Variants in TTN observed in about 807,000 individuals in gnomAD.
The protein encoded by TTN is titin.
In TTN, 1,525 loss-of-function variants were observed where a neutral mutation model predicts 3,223.0. The ratio of observed to expected loss-of-function variants is 0.47; its 90% CI spans 0.45 to 0.49. The LOEUF (loss-of-function observed/expected upper bound fraction) is 0.49, where lower values mean the gene tolerates loss of function less well. TTN is among the 20% of genes least tolerant of loss of function. TTN has a pLI of 0.00. For synonymous variants in TTN, 14,094 were observed against 15,161.0 expected (o/e 0.93, Z 5.17); for missense variants, 40,786 against 43,424.0 (o/e 0.94, Z 5.40).
At chr2:178,698,942 GAA>G in intron 111 of TTN, 28 bp from the exon 112 acceptor site, 1 of 1,435,278 alleles carries the variant, frequency 7.0e-7, no homozygotes, top group Non-Finnish European at 9.2e-7. Flanking sequence ...GAAAAAAAAA[GAA>G]AAAATATTTC....
chr2:178,552,488 C>T lies in TTN; in HGVS notation c.90412G>A (p.Gly30138Arg), dbSNP rs1225356759. The change falls in exon 335 of 363, where the codon GGG (glycine) becomes AGG (arginine). Residue 30138 changes from glycine (G) to arginine (R), a missense_variant. Gly to Arg is a moderately radical substitution (Grantham distance 125, BLOSUM62 -2). Transcript: ENST00000589042. Reference protein sequence around the residue: ...TPEVDLSDIPGAQVTVRIGHN... With the variant: ...TPEVDLSDIPRAQVTVRIGHN... The stretch of plus-strand genomic sequence containing the variant: ...CCAATTCTCACAGTGACTTGTGCCC[C>T]AGGGATATCTGACAGGTCAACTTCA... 5 of 1,612,490 alleles carry T rather than the reference C, an allele frequency of 3.1e-6. No homozygotes were observed. The highest frequency in any genetic ancestry group is 1.3e-5 in the African/African-American group (1 of 74,884).
chr2:178,707,897 C>T (rs1334882800), intron 99 of TTN, 84 bp from the exon 100 acceptor site: 9 of 1,455,730 alleles, frequency 6.2e-6, no homozygotes, highest in East Asian at 2.3e-5. Context: ...AAGAGAAAAA[C>T]TGGCCTCTAA....
In TTN at chr2:178,613,895, G is replaced by A. The variant is rs541307234; in HGVS notation, c.49388C>T (p.Thr16463Ile). 1 of 1,610,620 alleles carries A rather than the reference G, an allele frequency of 6.2e-7. No individual in the cohort carries two copies. Among genetic ancestry groups the A allele is most frequent in the African/African-American group, 1.3e-5 (1 of 74,876 alleles). ...PPTRLEPSDITKDAVTLTWCE... is the reference protein window; with the variant it reads ...PPTRLEPSDIIKDAVTLTWCE... ...CCATGTGAGAGTCACTGCGTCTTTA[G>A]TGATATCAGAAGGTTCTAGGCGAGT... Residue 16463 changes from threonine to isoleucine, a missense_variant, in exon 263 of 363, where the codon ACT becomes ATT. Thr to Ile is a moderately conservative substitution (Grantham distance 89). Coordinates refer to ENST00000589042, the MANE Select transcript of TTN (RefSeq NM_001267550.2).
At position 178,676,003 on chromosome 2, in the gene TTN, G is replaced by T. The variant is rs886704857; in HGVS notation, c.34379-8C>A. 1.9e-6 allele frequency: 3 copies of T among 1,590,632 alleles called. No individual in the cohort carries two copies. In the African/African-American group the frequency reaches 4.0e-5, roughly 21 times the overall value. ...TCTTCTTAATTTCAGGCACTTTAAA[G>T]ACATCATTTCATGATAAGGATTTAT... On this transcript the variant is annotated splice_polypyrimidine_tract_variant and splice_region_variant and intron_variant, in intron 147 of 362. Transcript: ENST00000589042.
In TTN at chr2:178,719,215, C is replaced by T; in HGVS notation, c.24175G>A (p.Ala8059Thr). Reference sequence around the variant, plus strand: ...TCATCGGAACCAGCTACATTGGCAGCCACACACGTGTATATGCCTGTGTCG... The same window carrying T: ...TCATCGGAACCAGCTACATTGGCAGTCACACACGTGTATATGCCTGTGTCG... ...PSDTGIYTCV[A>T]ANVAGSDECS... The change falls in exon 83 of 363, where the codon GCT becomes ACT. Residue 8059 changes from alanine (A) to threonine (T), a missense_variant. Coordinates refer to ENST00000589042, the MANE Select transcript of TTN (RefSeq NM_001267550.2). 1 of 1,613,642 alleles carries T rather than the reference C, an allele frequency of 6.2e-7. No homozygotes were observed. Among genetic ancestry groups the T allele is most frequent in the South Asian group, 1.1e-5 (1 of 91,064 alleles).
chr2:178,709,633 A>G lies in TTN; in HGVS notation c.28686T>C (p.Gly9562=), dbSNP rs1459863554. Residue 9562 remains glycine, a synonymous_variant, in exon 99 of 363, where the codon GGT becomes GGC. Coordinates refer to ENST00000589042, the MANE Select transcript of TTN (RefSeq NM_001267550.2). ...QVRKAGMNDA[G]LYTCKVSNDA... Reference sequence around the variant, plus strand: ...CATTGGACACTTTGCATGTGTACAAACCAGCGTCGTTCATGCCTGCTTTCC... The same window carrying G: ...CATTGGACACTTTGCATGTGTACAAGCCAGCGTCGTTCATGCCTGCTTTCC... 6.2e-7 allele frequency: 1 copy of G among 1,613,940 alleles called. No individual in the cohort carries two copies. Among genetic ancestry groups the G allele is most frequent in the South Asian group, 1.1e-5 (1 of 91,082 alleles).
At position 178,620,886 on chromosome 2, in the gene TTN, T is replaced by C. The variant is rs373778707; in HGVS notation, c.45724A>G (p.Arg15242Gly). ...NTEGAKAKWF[R>G]NEEAIFDSSK... Reference sequence around the variant, plus strand: ...CTATCAAATATAGCTTCTTCATTTCTGAACCATTTGGCTTTGGCACCTTCA... The same window carrying C: ...CTATCAAATATAGCTTCTTCATTTCCGAACCATTTGGCTTTGGCACCTTCA... Residue 15242 changes from arginine to glycine, a missense_variant, in exon 247 of 363, where the codon AGA becomes GGA. Arg to Gly is a moderately radical substitution (Grantham distance 125). Coordinates refer to ENST00000589042, the MANE Select transcript of TTN (RefSeq NM_001267550.2). The C allele has an allele frequency of 2.1e-5, 34 of 1,612,516 alleles. No individual in the cohort carries two copies. The highest frequency in any genetic ancestry group is 2.9e-5 in the Non-Finnish European group (34 of 1,179,174).
Position 178,557,485 on chromosome 2 carries a change from A to T in TTN, c.87777T>A (p.His29259Gln). The change falls in exon 329 of 363, where the codon CAT becomes CAA. Residue 29259 changes from histidine (H) to glutamine (Q), a missense_variant. Physicochemically the swap from His to Gln is conservative, Grantham distance 24. Coordinates refer to ENST00000589042, the MANE Select transcript of TTN (RefSeq NM_001267550.2). ...VTRESITVGW[H>Q]EPVSNGGSAV... ...CACTGCCTCCATTTGACACTGGTTCATGCCAGCCCACAGTGATGCTTTCTC... is the reference window on the plus strand; with the variant it reads ...CACTGCCTCCATTTGACACTGGTTCTTGCCAGCCCACAGTGATGCTTTCTC... The T allele has an allele frequency of 6.2e-7, 1 of 1,613,926 alleles. No homozygotes were observed. Among genetic ancestry groups the T allele is most frequent in the South Asian group, 1.1e-5 (1 of 91,086 alleles).
intron 238 of TTN, 103 bp from the exon 239 acceptor site, chr2:178,630,470 T>G: frequency 7.3e-7 from 1 of 1,369,282 alleles, no homozygotes; most frequent in Non-Finnish European, 9.9e-7. Flanking sequence ...AAATAAATGG[T>G]GATGAAACTT....
chr2:178,568,109 A>T lies in TTN; in HGVS notation c.78023T>A (p.Val26008Asp). 6.2e-7 allele frequency: 1 copy of T among 1,613,342 alleles called. No individual in the cohort carries two copies. Among genetic ancestry groups the T allele is most frequent in the South Asian group, 1.1e-5 (1 of 91,062 alleles). Reference protein sequence around the residue: ...FATAISKDSMVIQWHEPVNNG... With the variant: ...FATAISKDSMDIQWHEPVNNG... ...GTTGACTGGTTCATGCCACTGTATG[A>T]CCATGGAGTCTTTGGAAATGGCTGT... is the stretch of plus-strand genomic sequence containing the variant. The change falls in exon 326 of 363, where the codon GTC becomes GAC. Residue 26008 changes from valine to aspartate, a missense_variant. Transcript: ENST00000589042.
At position 178,741,802 on chromosome 2, in the gene TTN, A is replaced by G. The variant is rs1465041392; in HGVS notation, c.11431T>C (p.Phe3811Leu). 1.9e-6 allele frequency: 3 copies of G among 1,613,158 alleles called. No homozygotes were observed. The highest frequency in any genetic ancestry group is 2.5e-6 in the Non-Finnish European group (3 of 1,179,604). The change falls in exon 48 of 363, where the codon TTT becomes CTT. Residue 3811 changes from phenylalanine to leucine, a missense_variant. Physicochemically the swap from Phe to Leu is conservative, Grantham distance 22. Coordinates refer to ENST00000589042, the MANE Select transcript of TTN (RefSeq NM_001267550.2). ...CCAGTGCCTTCCTTTTCGGAATCAA[A>G]TTTAGTTGGGTAAACTGGAGATTCA... ...LSESPVYPTK[F>L]DSEKEGTGPI...
chr2:178,693,453 G>A (rs752340464), intron 119 of TTN, among the ~76,000 whole-genome samples, 156 bp downstream of exon 119: 2 of 151,980 alleles, frequency 1.3e-5, no homozygotes, highest in African/African-American at 2.4e-5. Context: ...CTTCCTCATG[G>A]TTCTTCCCGT....
Position 178,720,911 on chromosome 2 carries a change from T to C in TTN, c.23098+10A>G, listed in dbSNP as rs747082594. 14 of 1,566,406 alleles carry C rather than the reference T, an allele frequency of 8.9e-6. No homozygotes were observed. The highest frequency in any genetic ancestry group is 1.2e-5 in the Non-Finnish European group (14 of 1,153,346). On this transcript the variant is annotated intron_variant, in intron 79 of 362. Coordinates refer to ENST00000589042, the MANE Select transcript of TTN (RefSeq NM_001267550.2). ...AGAATAAAGAAACAAAGAAGCTTAG[T>C]GTGTCTAACCTTTCACTGTCAACGC... is the stretch of plus-strand genomic sequence containing the variant.
chr2:178,757,979 G>A (rs2087821799), intron 44 of TTN, 63 bp from the exon 45 acceptor site: 2 of 1,477,406 alleles, frequency 1.4e-6, no homozygotes, highest in Admixed American at 2.4e-5. Context: ...CTCATTTGGA[G>A]TTGTCTACAG....
chr2:178,540,143 C>G lies in TTN; in HGVS notation c.98023G>C (p.Val32675Leu). ...GGTCCACCAGCATTACAAGCTAGGA[C>G]GCGGAACCTGTATTCTGCACCCTGA... ...LPQGAEYRFR[V>L]LACNAGGPGE... Residue 32675 changes from valine (V) to leucine (L), a missense_variant, in exon 351 of 363, where the codon GTC (valine) becomes CTC (leucine). Physicochemically the swap from Val to Leu is conservative, Grantham distance 32. Coordinates refer to ENST00000589042, the MANE Select transcript of TTN (RefSeq NM_001267550.2). 1 of 1,613,462 alleles carries G rather than the reference C, an allele frequency of 6.2e-7. No homozygotes were observed. Among genetic ancestry groups the G allele is most frequent in the Non-Finnish European group, 8.5e-7 (1 of 1,179,464 alleles).
At chr2:178,586,393 C>T (rs2048989654) in intron 308 of TTN, 112 bp downstream of exon 308, 1 of 1,325,702 alleles carries the variant, frequency 7.5e-7, no homozygotes, top group Non-Finnish European at 1.0e-6. Context: ...CTGTTCTCTA[C>T]TGTTTTTCAA....
Position 178,791,989 on chromosome 2 carries a change from G to A in TTN, c.1662+83C>T, listed in dbSNP as rs2093529588. 5 of 1,450,174 alleles carry A rather than the reference G, an allele frequency of 3.4e-6. No homozygotes were observed. In the South Asian group the frequency reaches 6.1e-5, roughly 18 times the overall value. 89.8% of individuals were successfully genotyped at this position (1,450,174 alleles called of 1,614,324 possible). ...TACAACCAAAGACTTCTCCATTTAA[G>A]GGTTTTGACTATAAGCTACCTGCAG... On this transcript the variant is annotated intron_variant, in intron 10 of 362. Transcript: ENST00000589042.
In TTN at chr2:178,717,769, C is replaced by A. The variant is rs755722481; in HGVS notation, c.25105G>T (p.Val8369Phe). Residue 8369 changes from valine (V) to phenylalanine (F), a missense_variant, in exon 87 of 363, where the codon GTT (valine) becomes TTT (phenylalanine). Physicochemically the swap from Val to Phe is conservative, Grantham distance 50. Transcript: ENST00000589042. ...PPFFARKLKD[V>F]HETLGFPVAF... ...ACTGGGAAGCCTAGAGTCTCATGAACGTCTTTCAGTTTTCTTGCAAAGAAA... is the reference window on the plus strand; with the variant it reads ...ACTGGGAAGCCTAGAGTCTCATGAAAGTCTTTCAGTTTTCTTGCAAAGAAA... 17 of 1,609,228 alleles carry A rather than the reference C, an allele frequency of 1.1e-5. No homozygotes were observed. Among genetic ancestry groups the A allele is most frequent in the Non-Finnish European group, 1.4e-5 (17 of 1,177,770 alleles).
At chr2:178,771,566 A>G (rs2091490605) in intron 33 of TTN, 95 bp from the exon 34 acceptor site, 1 of 1,542,710 alleles carries the variant, frequency 6.5e-7, no homozygotes, top group Non-Finnish European at 8.9e-7. Flanking sequence ...CAAATTTAAG[A>G]ACATGATTTT....
Sources: allele counts gnomAD v4.1 joint callset (sites outside exome capture counted in the v4.1 genomes callset), GRCh38; gene constraint gnomAD v4.1.1; transcripts MANE v1.5; gene names NCBI Gene and HGNC (gene_info 2026-07-23, HGNC 2026-07-21).